The following SLC14A2 variants were observed in gnomAD, a reference collection of about 807,000 sequenced individuals.
SLC14A2 encodes solute carrier family 14 member 2.
Under a neutral mutation model 104.6 loss-of-function variants are expected in SLC14A2, and 91 were observed. That is an observed-to-expected ratio of 0.87 (90% CI 0.73 to 1.04). SLC14A2 has a LOEUF of 1.04. Ranked by LOEUF, SLC14A2 falls within the 50% of genes least tolerant of loss-of-function variation. SLC14A2 has a pLI of 0.00. For missense variants in SLC14A2, 1,189 were observed against 1,156.0 expected, an observed-to-expected ratio of 1.03 and a Z score of -0.41; for synonymous variants, 476 against 466.4, an observed-to-expected ratio of 1.02 and a Z score of -0.27.
chr18:45,214,747 C>G (rs2083992825), intron 1 of SLC14A2, among the ~76,000 whole-genome samples: 1 of 151,800 alleles, frequency 6.6e-6, no homozygotes, highest in African/African-American at 2.4e-5. Flanking sequence ...TTATGTTTAT[C>G]CAGATTATGT....
chr18:45,365,031 G>C (rs534386106), intron 1 of SLC14A2, among the ~76,000 whole-genome samples: 15 of 152,306 alleles, frequency 9.8e-5, no homozygotes, highest in African/African-American at 3.4e-4. Flanking sequence ...AGGTAAATAA[G>C]TCGAGGAATC....
At chr18:45,353,008 A>G (rs1167651133) in intron 1 of SLC14A2, among the ~76,000 whole-genome samples, 1 of 152,220 alleles carries the variant, frequency 6.6e-6, no homozygotes, top group African/African-American at 2.4e-5. Context: ...TGGATTGGTT[A>G]CAGGTTGGCC....
intron 2 of SLC14A2, chr18:45,529,522 G>A (rs1048434969): frequency 3.7e-4 from 57 of 152,222 alleles, no homozygotes; most frequent in South Asian, 6.2e-4. Context: ...ATATTATGCC[G>A]AGCGCATATG....
chr18:45,296,441 TTAAA>T (rs2144179397), intron 1 of SLC14A2, among the ~76,000 whole-genome samples: 1 of 152,304 alleles, frequency 6.6e-6, no homozygotes, highest in African/African-American at 2.4e-5. Flanking sequence ...TTCTCTAGCA[TTAAA>T]TAGAGAGCCA....
upstream of SLC14A2, among the ~76,000 whole-genome samples, chr18:45,208,185 C>A (rs985833162): frequency 6.6e-6 from 1 of 152,068 alleles, no homozygotes; most frequent in African/African-American, 2.4e-5. Context: ...ACTTCTATAA[C>A]CAACACAAAA....
In SLC14A2 at chr18:45,629,130, A is replaced by G. The variant is rs1420828741; in HGVS notation, c.521+1983A>G. ...TGGTCAGAGGCCCATTGGTGAACCC[A>G]AAGTAATCAGAGCTGGAAGTGTTGT... On this transcript the variant is annotated intron_variant, in intron 4 of 19. Coordinates refer to ENST00000255226, the MANE Select transcript of SLC14A2 (RefSeq NM_007163.4). Among the ~76,000 whole-genome samples the G allele has an allele frequency of 3.3e-5, 5 of 152,216 alleles. No homozygotes were observed. The South Asian group carries it at 8.3e-4, about 25-fold the overall frequency.
chr18:45,392,183 C>T (rs1465666710), intron 1 of SLC14A2, among the ~76,000 whole-genome samples: 1 of 152,202 alleles, frequency 6.6e-6, no homozygotes, highest in Non-Finnish European at 1.5e-5. Context: ...GTGAAAGACA[C>T]TCAAACTACC....
intron 2 of SLC14A2, among the ~76,000 whole-genome samples, chr18:45,586,677 G>A (rs1271019286): frequency 6.6e-6 from 1 of 152,192 alleles, no homozygotes; most frequent in Non-Finnish European, 1.5e-5. Context: ...TCCACCTTTT[G>A]AGTCCCTGCT....
chr18:45,520,419 C>A (rs370148519), intron 2 of SLC14A2, among the ~76,000 whole-genome samples: 2 of 152,074 alleles, frequency 1.3e-5, no homozygotes, highest in Admixed American at 1.3e-4. Flanking sequence ...TTAAACACAC[C>A]CTTACCTTAT....
intron 2 of SLC14A2, among the ~76,000 whole-genome samples, chr18:45,570,260 C>T (rs988551104): frequency 5.3e-5 from 8 of 152,152 alleles, no homozygotes; most frequent in African/African-American, 1.9e-4. Flanking sequence ...TACCCTTTGG[C>T]TCCAAAATTC....
intron 1 of SLC14A2, among the ~76,000 whole-genome samples, chr18:45,341,595 CTTTTTTTTTTTTT>C (rs376534367): frequency 2.4e-5 from 2 of 83,162 alleles, no homozygotes; most frequent in African/African-American, 1.1e-4. Flanking sequence ...TCTAGTATTA[CTTTTTTTTTTTTT>C]TTTTTTTTTT....
chr18:45,442,048 G>A (rs2086690051), intron 1 of SLC14A2, among the ~76,000 whole-genome samples: 1 of 152,166 alleles, frequency 6.6e-6, no homozygotes, highest in Non-Finnish European at 1.5e-5. Context: ...CTGGCTTGTT[G>A]TGGAGGAAAA....
intron 17 of SLC14A2, among the ~76,000 whole-genome samples, 189 bp downstream of exon 17, chr18:45,673,236 G>C (rs111403960): frequency 1.2e-4 from 19 of 152,294 alleles, no homozygotes; most frequent in African/African-American, 4.3e-4. Context: ...CTGCCCTCAA[G>C]AAAGGCTTTG....
At chr18:45,253,290 A>G (rs554654979) in intron 1 of SLC14A2, among the ~76,000 whole-genome samples, 1 of 152,242 alleles carries the variant, frequency 6.6e-6, no homozygotes, top group South Asian at 2.1e-4. Flanking sequence ...CATCCTGACC[A>G]CCCAGTACTG....
At chr18:45,371,493 TAAAC>T (rs2085721975) in intron 1 of SLC14A2, among the ~76,000 whole-genome samples, 2 of 152,336 alleles carry the variant, frequency 1.3e-5, no homozygotes, top group South Asian at 2.1e-4. Context: ...ATTGCATAAA[TAAAC>T]AATGATATCA....
intron 2 of SLC14A2, among the ~76,000 whole-genome samples, chr18:45,563,362 G>A (rs115611484): frequency 0.017 from 2,643 of 152,338 alleles, 81 homozygotes; most frequent in African/African-American, 0.06. Flanking sequence ...GACCAGTGTT[G>A]TGGGGCCAGA....
rs550868521 is a variant in SLC14A2, at chr18:45,644,026, C to T, written c.1217C>T (p.Thr406Ile). Residue 406 changes from threonine to isoleucine, a missense_variant, in exon 10 of 20, where the codon ACC becomes ATC. By Grantham distance (89) the Thr-to-Ile change is moderately conservative (BLOSUM62 -1). Coordinates refer to ENST00000255226, the MANE Select transcript of SLC14A2 (RefSeq NM_007163.4). ...GGCACCTGGGCCTTCTGCCTTGCCACCATCATCTTCCTGCTCCTGACGACA... is the reference window on the plus strand; with the variant it reads ...GGCACCTGGGCCTTCTGCCTTGCCATCATCATCTTCCTGCTCCTGACGACA... ...PPGTWAFCLA[T>I]IIFLLLTTNN... is the part of the protein sequence containing the mutation. 1 of 1,614,184 alleles carries T rather than the reference C, an allele frequency of 6.2e-7. No homozygotes were observed. The highest frequency in any genetic ancestry group is 1.3e-5 in the African/African-American group (1 of 75,048).
At chr18:45,498,110 A>C (rs1463752101) in intron 2 of SLC14A2, among the ~76,000 whole-genome samples, 1 of 152,212 alleles carries the variant, frequency 6.6e-6, no homozygotes, top group Non-Finnish European at 1.5e-5. Context: ...TCCAAGGACC[A>C]GAAAAAAAAA....
At chr18:45,481,757 T>A (rs189679576) in intron 1 of SLC14A2, among the ~76,000 whole-genome samples, 4 of 152,348 alleles carry the variant, frequency 2.6e-5, no homozygotes, top group African/African-American at 9.6e-5. Flanking sequence ...CCTTTCAAAG[T>A]TCGTGAAGAC....
Sources: gnomAD v4.1 joint callset for allele counts (sites outside exome capture counted in the v4.1 genomes callset) on GRCh38, gnomAD v4.1.1 for gene constraint, MANE v1.5 for transcripts, NCBI Gene and HGNC (gene_info 2026-07-23, HGNC 2026-07-21) for gene names.